Variants in FMN1 observed in about 807,000 individuals in gnomAD.
FMN1 encodes the protein formin-1.
In FMN1, 110 loss-of-function variants were observed where a neutral mutation model predicts 132.4. The observed-to-expected ratio is 0.83, with a 90% CI of 0.71 to 0.97. The LOEUF is 0.97. Ranked by LOEUF, FMN1 falls within the 50% of genes least tolerant of loss-of-function variation. The pLI is 0.00. For synonymous variants in FMN1, 722 were observed against 651.7 expected (o/e 1.11, Z -1.64); for missense variants, 1,792 against 1,705.3 (o/e 1.05, Z -0.90).
At chr15:33,122,923 G>A (rs990035951) in intron 4 of FMN1, among the ~76,000 whole-genome samples, 12 of 152,050 alleles carry the variant, frequency 7.9e-5, no homozygotes, top group Non-Finnish European at 1.0e-4. Context: ...TATGTGCCAG[G>A]CAGTGAGCTA....
intron 4 of FMN1, chr15:33,151,210 T>C (rs989168714): frequency 4.1e-5 from 63 of 1,530,952 alleles, no homozygotes; most frequent in Non-Finnish European, 5.2e-5. Context: ...CTGGAGGCCC[T>C]ATAGGAAGTC....
chr15:32,968,635 T>G (rs540720838), intron 8 of FMN1, 79 bp downstream of exon 8: 2 of 1,585,050 alleles, frequency 1.3e-6, no homozygotes, highest in African/African-American at 2.7e-5. Flanking sequence ...ATGGAGATAT[T>G]GACCCGGTAA....
At chr15:32,990,636 A>G (rs2033376063) in intron 7 of FMN1, among the ~76,000 whole-genome samples, 1 of 152,176 alleles carries the variant, frequency 6.6e-6, no homozygotes, top group African/African-American at 2.4e-5. Flanking sequence ...AGCACCTGCT[A>G]AAAGAACAAC....
chr15:33,041,976 T>C (rs2036461447), intron 6 of FMN1, among the ~76,000 whole-genome samples: 1 of 152,068 alleles, frequency 6.6e-6, no homozygotes, highest in South Asian at 2.1e-4. Flanking sequence ...CTTCATGTTA[T>C]GTATATTTTA....
chr15:32,930,411 GT>G (rs60873457), intron 9 of FMN1, among the ~76,000 whole-genome samples: 1,569 of 144,388 alleles, frequency 0.011, 24 homozygotes, highest in African/African-American at 0.034. Flanking sequence ...GTATTTTTCA[GT>G]TTTTTTTTTT....
At chr15:33,117,368 C>G (rs535459023) in intron 4 of FMN1, among the ~76,000 whole-genome samples, 1 of 152,142 alleles carries the variant, frequency 6.6e-6, no homozygotes, top group Admixed American at 6.5e-5. Flanking sequence ...GCATCGAAAC[C>G]ATAGCTGCAT....
At chr15:32,866,425 A>C (rs913284285) in intron 16 of FMN1, among the ~76,000 whole-genome samples, 22 of 152,168 alleles carry the variant, frequency 1.4e-4, no homozygotes, top group Non-Finnish European at 2.9e-4. Context: ...TGAATAGTAA[A>C]ACGCTAGCCA....
intron 17 of FMN1, among the ~76,000 whole-genome samples, chr15:32,842,905 C>T (rs1450575240): frequency 6.6e-6 from 1 of 151,092 alleles, no homozygotes; most frequent in East Asian, 2.0e-4. Flanking sequence ...GCGGGCAGAT[C>T]ACCTGAGGTC....
At position 32,774,093 on chromosome 15, in the gene FMN1, A is replaced by G. The variant is rs767620870; in HGVS notation, c.*217T>C. 2.2e-5 allele frequency: 12 copies of G among 546,674 alleles called. No homozygotes were observed. The highest frequency in any genetic ancestry group is 3.5e-5 in the Non-Finnish European group (11 of 312,816). The allele number at this position is 546,674 out of a possible 1,614,324, so 33.9% of individuals were successfully genotyped here. A position where few individuals can be genotyped will look rare whatever the true frequency, so the allele number is the denominator to read the frequency against. On this transcript the variant is annotated 3_prime_UTR_variant, in exon 21 of 21. Coordinates refer to ENST00000616417, the MANE Select transcript of FMN1 (RefSeq NM_001277313.2). ...GAAACAGTCATCAAATATTTCTGCA[A>G]TGTTCCCTTAAATAGTTTTCCATTG... is the stretch of plus-strand genomic sequence containing the variant.
At chr15:33,004,281 T>C (rs908040398) in intron 7 of FMN1, among the ~76,000 whole-genome samples, 2 of 152,160 alleles carry the variant, frequency 1.3e-5, no homozygotes, top group African/African-American at 4.8e-5. Context: ...AGAAAATTTT[T>C]GCAACCTACT....
At chr15:33,124,074 A>C (rs973600) in intron 4 of FMN1, among the ~76,000 whole-genome samples, 134,865 of 152,174 alleles carry the variant, frequency 0.89, 59,864 homozygotes, top group East Asian at 0.97. Flanking sequence ...GTGCCCGTCC[A>C]TAAACAGATC....
rs189503443 is a variant in FMN1 at position 32,812,317 on chromosome 15, T to G, written c.3929-7985A>C. Among the ~76,000 whole-genome samples the G allele has an allele frequency of 1.7e-4, 26 of 152,270 alleles. 1 individual carries two copies. In the East Asian group the frequency reaches 4.1e-3, roughly 24 times the overall value. On this transcript the variant is annotated intron_variant, in intron 17 of 20. Transcript: ENST00000616417. ...CAAACTTACAAGTGACTTATAATAT[T>G]AAGTCATTTACACTTTTATACAGGC... is the stretch of plus-strand genomic sequence containing the variant.
In FMN1 at chr15:32,968,717, C is replaced by A. The variant is rs765097418; in HGVS notation, c.2984G>T (p.Arg995Met). ...AATGGGATAGGGGAGAACTTACCTC[C>A]TATCACTTATTTGTATCCTAGTCCA... is the stretch of plus-strand genomic sequence containing the variant. ...LYWTRIQISD[R>M]SQNATPTLWD... The change falls in exon 8 of 21, where the codon AGG becomes ATG. Residue 995 changes from arginine to methionine, a missense_variant. Transcript: ENST00000616417. The A allele has an allele frequency of 3.7e-6, 6 of 1,613,406 alleles. No individual in the cohort carries two copies. The highest frequency in any genetic ancestry group is 1.3e-5 in the African/African-American group (1 of 74,752).
At chr15:33,066,737 G>A in intron 5 of FMN1, 4 of 1,613,942 alleles carry the variant, frequency 2.5e-6, no homozygotes, top group Non-Finnish European at 2.5e-6. Flanking sequence ...TGGTACTCCA[G>A]GGCCGCTCTG....
chr15:32,841,647 T>C (rs1223966108), intron 17 of FMN1, among the ~76,000 whole-genome samples: 4 of 152,140 alleles, frequency 2.6e-5, no homozygotes, highest in African/African-American at 9.7e-5. Flanking sequence ...GCATGTAACA[T>C]GTGAATCGCT....
chr15:33,034,392 T>C lies in FMN1; in HGVS notation c.2162-26317A>G, dbSNP rs373135979. On this transcript the variant is annotated intron_variant, in intron 6 of 20. Transcript: ENST00000616417. Reference sequence around the variant, plus strand: ...GAGTTTGAGACCAGCCTGGGCAACATAGAAGACCTTATTTCTACTAAAAGT... The same window carrying C: ...GAGTTTGAGACCAGCCTGGGCAACACAGAAGACCTTATTTCTACTAAAAGT... 8.6e-5 allele frequency among the ~76,000 whole-genome samples: 13 copies of C among 151,898 alleles called. 1 individual carries two copies. The South Asian group carries it at 1.5e-3, about 17-fold the overall frequency.
intron 6 of FMN1, chr15:33,012,513 G>A: frequency 1.3e-6 from 2 of 1,488,974 alleles, no homozygotes; most frequent in South Asian, 1.1e-5. Context: ...AAATGGAAGT[G>A]ATTGAAATCA....
chr15:32,841,702 T>C (rs1198338170), intron 17 of FMN1, among the ~76,000 whole-genome samples: 1 of 152,216 alleles, frequency 6.6e-6, no homozygotes, highest in Non-Finnish European at 1.5e-5. Context: ...AAGCTGTATA[T>C]TTCCTTCTGT....
chr15:32,787,094 G>A (rs1037506165), intron 19 of FMN1, among the ~76,000 whole-genome samples: 4 of 152,250 alleles, frequency 2.6e-5, no homozygotes, highest in African/African-American at 7.2e-5. Flanking sequence ...ACTATCGCAC[G>A]AGGTTAACTG....
Sources: gnomAD v4.1 joint callset for allele counts (sites outside exome capture counted in the v4.1 genomes callset) on GRCh38, gnomAD v4.1.1 for gene constraint, MANE v1.5 for transcripts, NCBI Gene and HGNC (gene_info 2026-07-23, HGNC 2026-07-21) for gene names.